The following DCC variants were observed in gnomAD, a reference collection of about 807,000 sequenced individuals.
DCC encodes DCC netrin 1 receptor.
A neutral mutation model predicts 172.5 loss-of-function variants in DCC; 58 were observed. The ratio of observed to expected loss-of-function variants is 0.34; its 90% CI spans 0.27 to 0.42. DCC has a LOEUF of 0.42. DCC is among the 10% of genes least tolerant of loss of function. The pLI, the probability that DCC is intolerant of heterozygous loss-of-function variation, is 1.00. For synonymous variants in DCC, 709 were observed against 644.5 expected, an observed-to-expected ratio of 1.10 and a Z score of -1.52; for missense variants, 1,740 against 1,791.0, an observed-to-expected ratio of 0.97 and a Z score of 0.51.
At chr18:53,186,895 G>A (rs1389700500) in intron 9 of DCC, among the ~76,000 whole-genome samples, 2 of 152,074 alleles carry the variant, frequency 1.3e-5, no homozygotes, top group Non-Finnish European at 2.9e-5. Flanking sequence ...GGTATGAACG[G>A]TGTGTCCTCA....
intron 1 of DCC, among the ~76,000 whole-genome samples, chr18:52,346,150 GA>G (rs1419603632): frequency 3.9e-5 from 6 of 152,252 alleles, no homozygotes; most frequent in African/African-American, 1.4e-4. Context: ...TTGTCAAGAA[GA>G]AAGGATGAAC....
chr18:52,909,632 A>G (rs1480446476), intron 3 of DCC, among the ~76,000 whole-genome samples: 1 of 152,224 alleles, frequency 6.6e-6, no homozygotes. Flanking sequence ...ACTGAGGTCT[A>G]TTAAATTCAG....
At chr18:53,175,295 C>G (rs1003429799) in intron 8 of DCC, among the ~76,000 whole-genome samples, 37 of 151,692 alleles carry the variant, frequency 2.4e-4, no homozygotes, top group African/African-American at 7.0e-4. Context: ...CTCACCACTC[C>G]TATTCAACAT....
intron 1 of DCC, among the ~76,000 whole-genome samples, chr18:52,504,445 G>A (rs1235410056): frequency 6.6e-6 from 1 of 152,094 alleles, no homozygotes; most frequent in Non-Finnish European, 1.5e-5. Context: ...AGTTCGTTCA[G>A]CTTTGAATGA....
intron 23 of DCC, among the ~76,000 whole-genome samples, chr18:53,451,092 T>G (rs1039786896): frequency 2.0e-5 from 3 of 152,198 alleles, no homozygotes; most frequent in Non-Finnish European, 4.4e-5. Flanking sequence ...TCAATACTTA[T>G]TGGAGAGATG....
intron 25 of DCC, among the ~76,000 whole-genome samples, chr18:53,482,184 T>G (rs1330453506): frequency 6.6e-6 from 1 of 152,164 alleles, no homozygotes; most frequent in Non-Finnish European, 1.5e-5. Context: ...TGATTATTTT[T>G]TGTTATAAGT....
intron 12 of DCC, among the ~76,000 whole-genome samples, chr18:53,249,779 G>GT (rs2056407172): frequency 6.6e-6 from 1 of 151,884 alleles, no homozygotes; most frequent in Non-Finnish European, 1.5e-5. Context: ...CAACCATGTG[G>GT]TTGTATATAG....
At chr18:53,149,582 G>C (rs910414401) in intron 7 of DCC, among the ~76,000 whole-genome samples, 3 of 152,078 alleles carry the variant, frequency 2.0e-5, no homozygotes, top group Non-Finnish European at 4.4e-5. Context: ...TCTTTAAAAG[G>C]CACTTTCCTA....
chr18:53,159,046 A>G (rs989076544), intron 8 of DCC, among the ~76,000 whole-genome samples: 3 of 150,514 alleles, frequency 2.0e-5, no homozygotes, highest in Non-Finnish European at 3.0e-5. Context: ...TGTGCTCACT[A>G]AGATTATTCA....
chr18:52,765,081 T>A (rs1599086856), intron 2 of DCC, among the ~76,000 whole-genome samples: 1 of 151,136 alleles, frequency 6.6e-6, no homozygotes, highest in African/African-American at 2.4e-5. Flanking sequence ...CAGGCCGGAG[T>A]GCAGTGATGT....
At chr18:52,642,982 T>C (rs1463968149) in intron 1 of DCC, among the ~76,000 whole-genome samples, 3 of 152,256 alleles carry the variant, frequency 2.0e-5, no homozygotes, top group Non-Finnish European at 2.9e-5. Context: ...AGAGCTTTCC[T>C]TAAACTATTT....
At chr18:52,699,359 G>A (rs993812075) in intron 1 of DCC, among the ~76,000 whole-genome samples, 2 of 152,090 alleles carry the variant, frequency 1.3e-5, no homozygotes, top group Non-Finnish European at 2.9e-5. Context: ...GGTTTGTCCT[G>A]TAATTTTCTC....
At chr18:53,450,730 T>C (rs2045400812) in intron 23 of DCC, 68 bp downstream of exon 23, 1 of 1,265,660 alleles carries the variant, frequency 7.9e-7, no homozygotes, top group East Asian at 2.3e-5. Flanking sequence ...TTGATGGTCC[T>C]CTTTCTGCGT....
At chr18:53,343,436 A>G (rs1402179853) in intron 15 of DCC, among the ~76,000 whole-genome samples, 1 of 151,546 alleles carries the variant, frequency 6.6e-6, no homozygotes, top group Non-Finnish European at 1.5e-5. Flanking sequence ...TTCTTTTTTT[A>G]AAATACGGTG....
chr18:52,754,776 A>G (rs890850477), intron 2 of DCC, among the ~76,000 whole-genome samples: 1 of 152,202 alleles, frequency 6.6e-6, no homozygotes, highest in African/African-American at 2.4e-5. Flanking sequence ...TTTGCACTTG[A>G]AAGTCCCATA....
chr18:52,342,343 C>G (rs1983685978), intron 1 of DCC, among the ~76,000 whole-genome samples: 2 of 152,002 alleles, frequency 1.3e-5, no homozygotes. Context: ...CGCATCCCCG[C>G]GCTTAGCCGC....
intron 5 of DCC, among the ~76,000 whole-genome samples, chr18:52,995,718 C>G (rs58239872): frequency 6.6e-6 from 1 of 151,820 alleles, no homozygotes; most frequent in Admixed American, 6.6e-5. Context: ...TATTTACTAT[C>G]GTAAATTCCA....
chr18:52,913,538 G>A (rs528825959), intron 3 of DCC, among the ~76,000 whole-genome samples: 114 of 151,944 alleles, frequency 7.5e-4, no homozygotes, highest in African/African-American at 2.6e-3. Context: ...AGTGATGTTA[G>A]ATATGGATTA....
intron 15 of DCC, among the ~76,000 whole-genome samples, chr18:53,374,104 G>A (rs2058086850): frequency 6.6e-6 from 1 of 152,166 alleles, no homozygotes; most frequent in Non-Finnish European, 1.5e-5. Flanking sequence ...ATGTAGGTGT[G>A]CTGTCCAGTG....
Sources: gnomAD v4.1 joint callset for allele counts (sites outside exome capture counted in the v4.1 genomes callset) on GRCh38, gnomAD v4.1.1 for gene constraint, MANE v1.5 for transcripts, NCBI Gene and HGNC (gene_info 2026-07-23, HGNC 2026-07-21) for gene names.